The following UNC5C variants were observed in gnomAD, a reference collection of about 807,000 sequenced individuals.
The protein encoded by UNC5C is netrin receptor UNC5C.
A neutral mutation model predicts 99.8 loss-of-function variants in UNC5C; 47 were observed. The ratio of observed to expected loss-of-function variants is 0.47; its 90% CI spans 0.37 to 0.60. UNC5C has a LOEUF of 0.60. Among genes scored for constraint, UNC5C ranks in the 20% least tolerant of loss-of-function variants. The pLI, the probability that UNC5C is intolerant of heterozygous loss-of-function variation, is 0.00. For missense variants in UNC5C, 1,062 were observed against 1,165.9 expected (o/e 0.91, Z 1.30); for synonymous variants, 487 against 452.2 (o/e 1.08, Z -0.98).
chr4:95,487,297 CATAA>C (rs1721354339), intron 1 of UNC5C, among the ~76,000 whole-genome samples: 1 of 151,692 alleles, frequency 6.6e-6, no homozygotes, highest in South Asian at 2.1e-4. Flanking sequence ...CAAAGGAGTG[CATAA>C]ATAGTTATCT....
chr4:95,236,118 T>G (rs560448270), intron 7 of UNC5C, among the ~76,000 whole-genome samples: 1 of 152,298 alleles, frequency 6.6e-6, no homozygotes, highest in South Asian at 2.1e-4. Context: ...CATGCTGCTA[T>G]AAAGACACAT....
At chr4:95,176,337 A>C (rs1013496979) in intron 14 of UNC5C, among the ~76,000 whole-genome samples, 10 of 151,860 alleles carry the variant, frequency 6.6e-5, no homozygotes, top group Non-Finnish European at 1.5e-4. Flanking sequence ...TAGAGTTTCC[A>C]GTTTTTCTGC....
intron 1 of UNC5C, among the ~76,000 whole-genome samples, chr4:95,509,586 G>C (rs1722013362): frequency 6.6e-6 from 1 of 151,710 alleles, no homozygotes; most frequent in African/African-American, 2.4e-5. Flanking sequence ...TAAAATGTGT[G>C]TACCCTGTTA....
rs532004136 is a variant in UNC5C at position 95,445,453 on chromosome 4, C to T, written c.124+103281G>A. Among the ~76,000 whole-genome samples, 3 of 152,162 alleles carry T rather than the reference C, an allele frequency of 2.0e-5. No homozygotes were observed. In the East Asian group the frequency reaches 5.8e-4, roughly 30 times the overall value. ...TGTTTTCCAATTCCGCTCTTGATAA[C>T]AACAGTCCTGTAGAATTGGCTTTTT... is the stretch of plus-strand genomic sequence containing the variant. On this transcript the variant is annotated intron_variant, in intron 1 of 15. Transcript: ENST00000453304.
In UNC5C at chr4:95,184,981, C is replaced by T. The variant is rs1736772403; in HGVS notation, c.2286+66G>A. The T allele has an allele frequency of 3.4e-6, 5 of 1,452,084 alleles. No individual in the cohort carries two copies. In the South Asian group the frequency reaches 7.8e-5, roughly 23 times the overall value. The allele number at this position is 1,452,084 out of a possible 1,614,324, so 89.9% of individuals were successfully genotyped here. On this transcript the variant is annotated intron_variant, in intron 13 of 15. Coordinates refer to ENST00000453304, the MANE Select transcript of UNC5C (RefSeq NM_003728.4). ...TTTCAAGGAAGGGGATTTCCTATGTCTATATAATTTTAGACCTCTTTCTTA... is the reference window on the plus strand; with the variant it reads ...TTTCAAGGAAGGGGATTTCCTATGTTTATATAATTTTAGACCTCTTTCTTA...
intron 3 of UNC5C, among the ~76,000 whole-genome samples, chr4:95,299,345 T>C (rs1365432262): frequency 2.0e-5 from 3 of 152,084 alleles, no homozygotes; most frequent in Non-Finnish European, 2.9e-5. Flanking sequence ...CACCTTGAGA[T>C]TGCACTTCCA....
At chr4:95,385,742 G>C (rs552995129) in intron 1 of UNC5C, among the ~76,000 whole-genome samples, 1 of 152,238 alleles carries the variant, frequency 6.6e-6, no homozygotes, top group East Asian at 1.9e-4. Context: ...ATGGAGGTTT[G>C]CTTGTAACCT....
At chr4:95,414,084 G>C (rs1341611756) in intron 1 of UNC5C, among the ~76,000 whole-genome samples, 2 of 152,140 alleles carry the variant, frequency 1.3e-5, no homozygotes, top group Non-Finnish European at 2.9e-5. Flanking sequence ...ATCACACCAG[G>C]TTAATTTATT....
intron 1 of UNC5C, among the ~76,000 whole-genome samples, chr4:95,445,382 A>G (rs1412130041): frequency 6.6e-6 from 1 of 151,814 alleles, no homozygotes; most frequent in Admixed American, 6.6e-5. Context: ...GAGGGAATGC[A>G]GCTGAATGCA....
At chr4:95,235,555 G>C (rs963557378) in intron 7 of UNC5C, among the ~76,000 whole-genome samples, 2 of 152,102 alleles carry the variant, frequency 1.3e-5, no homozygotes, top group African/African-American at 4.8e-5. Flanking sequence ...TGAAGTCCTT[G>C]CCCATGCCTA....
intron 2 of UNC5C, among the ~76,000 whole-genome samples, chr4:95,317,553 G>A (rs1415830951): frequency 6.6e-6 from 1 of 152,160 alleles, no homozygotes; most frequent in Non-Finnish European, 1.5e-5. Flanking sequence ...ACTTGTATGA[G>A]AAACGTGGCA....
chr4:95,346,945 G>C (rs1239856773), intron 1 of UNC5C, among the ~76,000 whole-genome samples: 3 of 151,718 alleles, frequency 2.0e-5, no homozygotes, highest in Non-Finnish European at 2.9e-5. Flanking sequence ...AAAAATAAAG[G>C]GCATCTAAAC....
chr4:95,375,359 A>G (rs903406193), intron 1 of UNC5C, among the ~76,000 whole-genome samples: 7 of 152,166 alleles, frequency 4.6e-5, no homozygotes, highest in Non-Finnish European at 8.8e-5. Context: ...AGAAAAATAC[A>G]TTATCCATAC....
chr4:95,432,014 A>T (rs1434811357), intron 1 of UNC5C, among the ~76,000 whole-genome samples: 1 of 152,132 alleles, frequency 6.6e-6, no homozygotes, highest in Non-Finnish European at 1.5e-5. Flanking sequence ...AATGTAAGAG[A>T]TGTAAAAGGA....
chr4:95,469,867 T>G (rs10856918), intron 1 of UNC5C, among the ~76,000 whole-genome samples: 52,873 of 152,000 alleles, frequency 0.35, 10,057 homozygotes, highest in Non-Finnish European at 0.41. Flanking sequence ...AGAGACAAAT[T>G]GCTCATGCAG....
intron 1 of UNC5C, among the ~76,000 whole-genome samples, chr4:95,462,908 G>C (rs1747647640): frequency 1.3e-5 from 2 of 152,148 alleles, no homozygotes; most frequent in Admixed American, 1.3e-4. Context: ...GTCATGAGGG[G>C]GTGATGGCCT....
chr4:95,435,087 T>A (rs1486222276), intron 1 of UNC5C, among the ~76,000 whole-genome samples: 3 of 152,106 alleles, frequency 2.0e-5, no homozygotes, highest in Non-Finnish European at 4.4e-5. Context: ...TACTGACTGG[T>A]TGGGAATCAC....
In UNC5C at chr4:95,463,227, G is replaced by A. The variant is rs6819217; in HGVS notation, c.124+85507C>T. Among the ~76,000 whole-genome samples the A allele has an allele frequency of 9.8e-3, 1,492 of 152,252 alleles. 18 individuals carry two copies. The highest frequency in any genetic ancestry group is 0.034 in the African/African-American group (1,406 of 41,538). On this transcript the variant is annotated intron_variant, in intron 1 of 15. Transcript: ENST00000453304. Reference sequence around the variant, plus strand: ...CTAACTGTGACCTACACCCGCAGACGGGTGGCTGCGGGGACTGCAGAGCCG... The same window carrying A: ...CTAACTGTGACCTACACCCGCAGACAGGTGGCTGCGGGGACTGCAGAGCCG...
chr4:95,257,246 C>T (rs552300851), intron 4 of UNC5C, among the ~76,000 whole-genome samples: 2 of 152,110 alleles, frequency 1.3e-5, no homozygotes, highest in East Asian at 1.9e-4. Flanking sequence ...CTATAAGAAA[C>T]ATGCAAAAAT....
Sources: gnomAD v4.1 joint callset for allele counts (sites outside exome capture counted in the v4.1 genomes callset) on GRCh38, gnomAD v4.1.1 for gene constraint, MANE v1.5 for transcripts, NCBI Gene and HGNC (gene_info 2026-07-23, HGNC 2026-07-21) for gene names.